The following THAP4 variants were observed in gnomAD, a reference collection of about 807,000 sequenced individuals.
THAP4 encodes the protein peroxynitrite isomerase THAP4.
In THAP4, 18 loss-of-function variants were observed where a neutral mutation model predicts 48.1. That is an observed-to-expected ratio of 0.37 (90% CI 0.26 to 0.56). THAP4 has a LOEUF of 0.56. Ranked by LOEUF, THAP4 falls within the 20% of genes least tolerant of loss-of-function variation. The probability of loss-of-function intolerance (pLI) is 0.78; values close to 1 mark genes in which losing one functional copy is unlikely to be tolerated. For missense variants in THAP4, 656 were observed against 774.9 expected (o/e 0.85, Z 1.82); for synonymous variants, 345 against 324.9 (o/e 1.06, Z -0.66).
At chr2:241,606,498 C>A in intron 2 of THAP4, 25 bp from the exon 3 acceptor site, 1 of 1,570,618 alleles carries the variant, frequency 6.4e-7, no homozygotes, top group East Asian at 2.3e-5. Flanking sequence ...ATGAGACTAT[C>A]AGTGGCCTCC....
chr2:241,586,262 GAAAAAA>G (rs11320455), intron 5 of THAP4, among the ~76,000 whole-genome samples: 6 of 83,990 alleles, frequency 7.1e-5, no homozygotes, highest in African/African-American at 2.7e-4. Flanking sequence ...ATCTGAAGAG[GAAAAAA>G]AAAAAAAAAA....
intron 5 of THAP4, chr2:241,591,877 C>A (rs2066984520): frequency 6.6e-6 from 1 of 152,200 alleles, no homozygotes; most frequent in Non-Finnish European, 1.5e-5. Context: ...CAAACTGAAC[C>A]ACATAAAATC....
At chr2:241,613,693 C>A (rs2067305372) in intron 2 of THAP4, among the ~76,000 whole-genome samples, 1 of 151,898 alleles carries the variant, frequency 6.6e-6, no homozygotes, top group South Asian at 2.1e-4. Flanking sequence ...AGGCAGAGAT[C>A]GCAATGAGCC....
chr2:241,598,629 A>T (rs1288083818), intron 5 of THAP4, among the ~76,000 whole-genome samples: 2 of 152,098 alleles, frequency 1.3e-5, no homozygotes, highest in Non-Finnish European at 2.9e-5. Context: ...TCATATGCAC[A>T]ATTCACAGCA....
chr2:241,590,833 TGCCCG>T, intron 5 of THAP4, among the ~76,000 whole-genome samples: 10 of 146,992 alleles, frequency 6.8e-5, no homozygotes, highest in African/African-American at 2.0e-4. Flanking sequence ...CACGCAGAGC[TGCCCG>T]GCTGACGATA....
intron 4 of THAP4, 102 bp downstream of exon 4, chr2:241,602,868 A>G (rs2067132682): frequency 5.6e-6 from 5 of 899,970 alleles, no homozygotes; most frequent in Non-Finnish European, 9.0e-6. Context: ...CCACCAGCAC[A>G]TGCCTCAGCA....
At chr2:241,606,288 G>A in intron 3 of THAP4, 26 bp downstream of exon 3, 2 of 1,535,246 alleles carry the variant, frequency 1.3e-6, no homozygotes, top group Non-Finnish European at 8.8e-7. Flanking sequence ...GAGTCAAGCA[G>A]GGTGGGGTGG....
At chr2:241,622,233 C>T (rs1031172238) in intron 2 of THAP4, among the ~76,000 whole-genome samples, 2 of 152,076 alleles carry the variant, frequency 1.3e-5, no homozygotes, top group African/African-American at 2.4e-5. Context: ...GGGCTGGTGG[C>T]GGGCGCCTGT....
At chr2:241,590,297 CTGA>C (rs2066944741) in intron 5 of THAP4, among the ~76,000 whole-genome samples, 4 of 150,314 alleles carry the variant, frequency 2.7e-5, no homozygotes, top group South Asian at 2.1e-4. Flanking sequence ...AGCTGCCCGG[CTGA>C]TGATGAGGGG....
chr2:241,633,270 G>A lies in THAP4; in HGVS notation c.887C>T (p.Pro296Leu), dbSNP rs1208542781. The change falls in exon 2 of 6, where the codon CCT (proline) becomes CTT (leucine). Residue 296 changes from proline (P) to leucine (L), a missense_variant. Transcript: ENST00000407315. This position sits in a 1 kb window ranked among gnomAD's most constrained non-coding sequence, Gnocchi z 7.5. ...AGGAGGGGCAGAGGGGCTCTGGGAAGGCTTCTGCGGTGTCGCGGTAAGTGA... is the reference window on the plus strand; with the variant it reads ...AGGAGGGGCAGAGGGGCTCTGGGAAAGCTTCTGCGGTGTCGCGGTAAGTGA... ...SSSLTATPQK[P>L]SQSPSAPPAD... 6.2e-7 allele frequency: 1 copy of A among 1,611,516 alleles called. No homozygotes were observed. The highest frequency in any genetic ancestry group is 8.5e-7 in the Non-Finnish European group (1 of 1,179,746).
chr2:241,608,505 C>T (rs957300021), intron 2 of THAP4, among the ~76,000 whole-genome samples: 8 of 152,152 alleles, frequency 5.3e-5, no homozygotes, highest in African/African-American at 9.7e-5. Flanking sequence ...CCTAATTAGA[C>T]AATAAGAGAA....
Position 241,612,459 on chromosome 2 carries a change from C to A in THAP4, c.1241-5986G>T, listed in dbSNP as rs538875681. Among the ~76,000 whole-genome samples the A allele has an allele frequency of 1.3e-5, 2 of 152,302 alleles. No individual in the cohort carries two copies. Among genetic ancestry groups the A allele is most frequent in the Non-Finnish European group, 2.9e-5 (2 of 68,022 alleles). On this transcript the variant is annotated intron_variant, in intron 2 of 5. Coordinates refer to ENST00000407315, the MANE Select transcript of THAP4 (RefSeq NM_015963.6). The surrounding 1 kb of genome is among the most constrained non-coding windows in gnomAD (Gnocchi z 4.1). Reference sequence around the variant, plus strand: ...AGCAGAAATGACACACCTGTCCCCACAGGACGCTGCCCATGAATGTTTACA... The same window carrying A: ...AGCAGAAATGACACACCTGTCCCCAAAGGACGCTGCCCATGAATGTTTACA...
intron 5 of THAP4, among the ~76,000 whole-genome samples, chr2:241,594,017 C>G (rs943995793): frequency 6.6e-6 from 1 of 152,142 alleles, no homozygotes; most frequent in South Asian, 2.1e-4. Flanking sequence ...GATTCAGTAA[C>G]GAACAACTTG....
chr2:241,601,934 C>T lies in THAP4; in HGVS notation c.1576G>A (p.Ala526Thr). 6.2e-7 allele frequency: 1 copy of T among 1,613,596 alleles called. No individual in the cohort carries two copies. ...QELCIASHSI[A>T]RISFAKEPHV... ...GGCTCCTTGGCGAAGGAGATCCTGG[C>T]GATGGAGTGGGATGCGATGCACAGC... is the stretch of plus-strand genomic sequence containing the variant. Residue 526 changes from alanine (A) to threonine (T), a missense_variant, in exon 5 of 6, where the codon GCC becomes ACC. Physicochemically the swap from Ala to Thr is moderately conservative, Grantham distance 58. Around this residue, in one of 4 missense-constraint regions of THAP4, gnomAD observed 176 missense variants for 256.7 expected, o/e 0.69. Transcript: ENST00000407315. The surrounding 1 kb of genome is among the most constrained non-coding windows in gnomAD (Gnocchi z 4.0).
chr2:241,634,439 C>T (rs2067611627), intron 1 of THAP4, among the ~76,000 whole-genome samples: 1 of 152,216 alleles, frequency 6.6e-6, no homozygotes, highest in Non-Finnish European at 1.5e-5. Context: ...AAGCTGACTG[C>T]TAACCAACCC....
Position 241,584,510 on chromosome 2 carries a change from G to A in THAP4, c.*96C>T. ...ACTCTTGAGCCTGCAGAGGCTCACG[G>A]CCACACCCACTTCTGCCGCAGGGAC... On this transcript the variant is annotated 3_prime_UTR_variant, in exon 6 of 6. Transcript: ENST00000407315. 1.4e-6 allele frequency: 2 copies of A among 1,403,350 alleles called. No homozygotes were observed. Among genetic ancestry groups the A allele is most frequent in the Non-Finnish European group, 1.0e-6 (1 of 1,000,150 alleles). The allele number at this position is 1,403,350 out of a possible 1,614,324, so 86.9% of individuals were successfully genotyped here.
At position 241,637,001 on chromosome 2, in the gene THAP4, G is replaced by A; in HGVS notation, c.17C>T (p.Ala6Val). ...CTGCCGGTTGGAGCAGTTCACGGCCGCACAGCAGATCACCATCGCGGGCCT... is the reference window on the plus strand; with the variant it reads ...CTGCCGGTTGGAGCAGTTCACGGCCACACAGCAGATCACCATCGCGGGCCT... Reference protein sequence around the residue: MVICCAAVNCSNRQGK... With the variant: MVICCVAVNCSNRQGK... The change falls in exon 1 of 6, where the codon GCG becomes GTG. Residue 6 changes from alanine to valine, a missense_variant. Ala to Val is a moderately conservative substitution (Grantham distance 64). This residue lies in a region of THAP4 where 59 missense variants were observed against 45.8 expected (regional missense o/e 1.29). Transcript: ENST00000407315. The A allele has an allele frequency of 3.8e-6, 5 of 1,305,722 alleles. No individual in the cohort carries two copies. The highest frequency in any genetic ancestry group is 1.3e-5 in the South Asian group (1 of 77,182). The allele number at this position is 1,305,722 out of a possible 1,614,324, so 80.9% of individuals were successfully genotyped here. A position where few individuals can be genotyped will look rare whatever the true frequency, so the allele number is the denominator to read the frequency against.
At chr2:241,618,612 A>C (rs957563888) in intron 2 of THAP4, among the ~76,000 whole-genome samples, 2 of 152,330 alleles carry the variant, frequency 1.3e-5, no homozygotes, top group Middle Eastern at 3.4e-3. Flanking sequence ...TAAGGAAGTG[A>C]GGTCACAGAT....
intron 5 of THAP4, among the ~76,000 whole-genome samples, chr2:241,592,863 C>T (rs558478195): frequency 3.3e-5 from 5 of 152,286 alleles, no homozygotes; most frequent in South Asian, 2.1e-4. Context: ...ACAAGGGCCA[C>T]GGGACGTCTG....
Sources: allele counts gnomAD v4.1 joint callset (sites outside exome capture counted in the v4.1 genomes callset), GRCh38; gene constraint gnomAD v4.1.1; regional missense constraint gnomAD v4.1.1; non-coding constraint Gnocchi (gnomAD v3.1); transcripts MANE v1.5; gene names NCBI Gene and HGNC (gene_info 2026-07-23, HGNC 2026-07-21).